LRRFIP1: variants seen among roughly 807,000 people sequenced by gnomAD.
LRRFIP1 encodes the protein LRR binding FLII interacting protein 1, also known as leucine-rich repeat flightless-interacting protein 1.
In LRRFIP1, 62 loss-of-function variants were observed where a neutral mutation model predicts 104.4. The observed-to-expected ratio is 0.59, with a 90% confidence interval of 0.48 to 0.73. The LOEUF (loss-of-function observed/expected upper bound fraction) is 0.73. LRRFIP1 is among the 30% of genes least tolerant of loss of function. LRRFIP1 has a pLI of 0.00. For synonymous variants in LRRFIP1, 300 were observed against 299.0 expected (o/e 1.00, Z -0.03); for missense variants, 796 against 824.5 (o/e 0.97, Z 0.42).
intron 2 of LRRFIP1, among the ~76,000 whole-genome samples, chr2:237,712,438 A>G (rs1469895282): frequency 6.6e-6 from 1 of 152,226 alleles, no homozygotes; most frequent in Non-Finnish European, 1.5e-5. Flanking sequence ...AAGTGGAAGC[A>G]TGCCTTGAAA....
chr2:237,735,416 G>C lies in LRRFIP1; in HGVS notation c.555+83G>C. On this transcript the variant is annotated intron_variant, in intron 10 of 23. Coordinates refer to ENST00000308482, the MANE Select transcript of LRRFIP1 (RefSeq NM_001137550.2). This position sits in a 1 kb window ranked among gnomAD's most constrained non-coding sequence, Gnocchi z 4.6. ...GCTCGCTGGGCAGGGTCCAGCCGTG[G>C]GGGGTGACTGGCCATTCTCAGGAGG... 2 of 1,312,828 alleles carry C rather than the reference G, an allele frequency of 1.5e-6. No individual in the cohort carries two copies. Among genetic ancestry groups the C allele is most frequent in the Non-Finnish European group, 2.1e-6 (2 of 962,278 alleles). The allele number at this position is 1,312,828 out of a possible 1,614,324, so 81.3% of individuals were successfully genotyped here. A position where few individuals can be genotyped will look rare whatever the true frequency, so the allele number is the denominator to read the frequency against.
chr2:237,663,568 G>A (rs1294566628), intron 1 of LRRFIP1, among the ~76,000 whole-genome samples: 1 of 152,234 alleles, frequency 6.6e-6, no homozygotes, highest in Non-Finnish European at 1.5e-5. Flanking sequence ...ACTGGGGGAA[G>A]TTAATTTCTG....
chr2:237,704,054 C>G (rs146558534), intron 1 of LRRFIP1, among the ~76,000 whole-genome samples: 1 of 152,050 alleles, frequency 6.6e-6, no homozygotes, highest in South Asian at 2.1e-4. Flanking sequence ...AGTCAGCGCT[C>G]TCCCCAATGT....
chr2:237,655,344 A>C (rs1192232418), intron 1 of LRRFIP1, among the ~76,000 whole-genome samples: 1 of 151,400 alleles, frequency 6.6e-6, no homozygotes, highest in Non-Finnish European at 1.5e-5. Context: ...TCCTGACCTC[A>C]AATGATCTGC....
chr2:237,731,349 C>CA (rs2095000641), intron 8 of LRRFIP1, among the ~76,000 whole-genome samples: 1 of 152,068 alleles, frequency 6.6e-6, no homozygotes, highest in Non-Finnish European at 1.5e-5. Flanking sequence ...CACCTCTTCA[C>CA]CCCTTGTCCA....
intron 1 of LRRFIP1, among the ~76,000 whole-genome samples, chr2:237,689,051 G>GAA (rs60153114): frequency 0.067 from 8,695 of 130,468 alleles, 899 homozygotes; most frequent in African/African-American, 0.23. Context: ...GCTCTACGTT[G>GAA]AAAAAAAAAA....
At chr2:237,712,183 A>G (rs1006267467) in intron 2 of LRRFIP1, among the ~76,000 whole-genome samples, 6 of 152,292 alleles carry the variant, frequency 3.9e-5, no homozygotes, top group East Asian at 1.9e-4. Context: ...TTAGGGAGAT[A>G]CACAGTTTTC....
intron 11 of LRRFIP1, among the ~76,000 whole-genome samples, chr2:237,747,663 C>T (rs910220927): frequency 3.3e-5 from 5 of 152,122 alleles, no homozygotes; most frequent in Admixed American, 1.3e-4. Flanking sequence ...GCAGTTGCCG[C>T]GCATGTCTTT....
intron 1 of LRRFIP1, among the ~76,000 whole-genome samples, chr2:237,667,877 G>A (rs780829028): frequency 5.3e-5 from 8 of 151,936 alleles, no homozygotes; most frequent in Non-Finnish European, 1.2e-4. Context: ...GCCTCTCCCG[G>A]GTTCCTGGGC....
At chr2:237,764,797 T>C (rs2060152278) in intron 19 of LRRFIP1, 1 of 985,780 alleles carries the variant, frequency 1.0e-6, no homozygotes, top group Admixed American at 6.1e-5. Flanking sequence ...ACCGATACTT[T>C]TGGATCTCAT....
In LRRFIP1 at chr2:237,703,524, C is replaced by T. The variant is rs2093645520; in HGVS notation, c.97-5020C>T. Among the ~76,000 whole-genome samples the T allele has an allele frequency of 6.6e-6, 1 of 152,122 alleles. No homozygotes were observed. The highest frequency in any genetic ancestry group is 2.4e-5 in the African/African-American group (1 of 41,414). ...TGAGGGCGAGGGTCTGCACCCCAGG[C>T]GTCTGCACTCCTTGTCACCAGCTCC... On this transcript the variant is annotated intron_variant, in intron 1 of 23. Transcript: ENST00000308482. The surrounding 1 kb of genome is among the most constrained non-coding windows in gnomAD (Gnocchi z 4.3).
At chr2:237,671,603 C>T (rs893939930) in intron 1 of LRRFIP1, among the ~76,000 whole-genome samples, 2 of 151,920 alleles carry the variant, frequency 1.3e-5, no homozygotes, top group African/African-American at 2.4e-5. Context: ...GGACGGAAGC[C>T]GGGGCAGCAA....
At chr2:237,748,472 GT>G in intron 12 of LRRFIP1, 73 bp downstream of exon 12, 19 of 1,381,690 alleles carry the variant, frequency 1.4e-5, no homozygotes, top group Non-Finnish European at 1.9e-5. Flanking sequence ...ATGTTGCTTG[GT>G]TTTTTTTAAT....
At position 237,691,119 on chromosome 2, in the gene LRRFIP1, G is replaced by T. The variant is rs1037638771; in HGVS notation, c.97-17425G>T. ...GCTCACGTTACCAAGTTGGGTCAGCGTGCAGAGAAAAGGGAATTGGGAATT... is the reference window on the plus strand; with the variant it reads ...GCTCACGTTACCAAGTTGGGTCAGCTTGCAGAGAAAAGGGAATTGGGAATT... On this transcript the variant is annotated intron_variant, in intron 1 of 23. Coordinates refer to ENST00000308482, the MANE Select transcript of LRRFIP1 (RefSeq NM_001137550.2). This position sits in a 1 kb window ranked among gnomAD's most constrained non-coding sequence, Gnocchi z 5.4. Among the ~76,000 whole-genome samples the T allele has an allele frequency of 6.6e-6, 1 of 151,796 alleles. No homozygotes were observed. Among genetic ancestry groups the T allele is most frequent in the South Asian group, 2.1e-4 (1 of 4,820 alleles).
intron 11 of LRRFIP1, among the ~76,000 whole-genome samples, chr2:237,740,673 T>A (rs1199481310): frequency 2.0e-5 from 3 of 152,126 alleles, no homozygotes; most frequent in African/African-American, 4.8e-5. Context: ...ACTGTGAGGT[T>A]TCCTACCTCG....
At chr2:237,724,725 A>T (rs548276408) in intron 7 of LRRFIP1, among the ~76,000 whole-genome samples, 1 of 152,332 alleles carries the variant, frequency 6.6e-6, no homozygotes, top group Non-Finnish European at 1.5e-5. Context: ...TTTTATGTTA[A>T]ATTCAAAGTA....
chr2:237,761,751 T>C (rs935250053), intron 19 of LRRFIP1, among the ~76,000 whole-genome samples: 3 of 152,244 alleles, frequency 2.0e-5, no homozygotes, highest in African/African-American at 7.2e-5. Context: ...TTCCCTGGGA[T>C]ATGGGCACCC....
chr2:237,686,514 A>C (rs1341879905), intron 1 of LRRFIP1, among the ~76,000 whole-genome samples: 2 of 152,230 alleles, frequency 1.3e-5, no homozygotes, highest in Non-Finnish European at 1.5e-5. Flanking sequence ...CCCACCCATC[A>C]TTTATAAGGC....
intron 1 of LRRFIP1, among the ~76,000 whole-genome samples, chr2:237,652,533 T>G (rs937215096): frequency 6.6e-6 from 1 of 152,140 alleles, no homozygotes; most frequent in African/African-American, 2.4e-5. Context: ...AGAGAGGAGA[T>G]TCCTCAAAAA....
Sources: allele counts gnomAD v4.1 joint callset (sites outside exome capture counted in the v4.1 genomes callset), GRCh38; gene constraint gnomAD v4.1.1; non-coding constraint Gnocchi (gnomAD v3.1); transcripts MANE v1.5; gene names NCBI Gene and HGNC (gene_info 2026-07-23, HGNC 2026-07-21).